The following ETV1 variants were observed in gnomAD, a reference collection of about 807,000 sequenced individuals.
ETV1 encodes the protein ETS variant transcription factor 1.
Under a neutral mutation model 62.3 loss-of-function variants are expected in ETV1, and 27 were observed. That is an observed-to-expected ratio of 0.43 (90% CI 0.32 to 0.60). ETV1 has a LOEUF of 0.60. ETV1 is among the 20% of genes least tolerant of loss of function. The pLI, the probability that ETV1 is intolerant of heterozygous loss-of-function variation, is 0.06. For synonymous variants in ETV1, 222 were observed against 199.6 expected, an observed-to-expected ratio of 1.11 and a Z score of -0.94; for missense variants, 605 against 605.8, an observed-to-expected ratio of 1.00 and a Z score of 0.01.
chr7:13,909,767 C>A, intron 10 of ETV1, 67 bp from the exon 11 acceptor site: 1 of 1,296,606 alleles, frequency 7.7e-7, no homozygotes, highest in Non-Finnish European at 1.1e-6. Flanking sequence ...TAAAATATAA[C>A]CATTTAACAT....
upstream of ETV1, among the ~76,000 whole-genome samples, chr7:13,990,183 A>G (rs1007263435): frequency 3.3e-5 from 5 of 151,996 alleles, no homozygotes; most frequent in African/African-American, 1.2e-4. Context: ...TTTTGGCCCA[A>G]TTTATTTTCC....
intron 12 of ETV1, among the ~76,000 whole-genome samples, chr7:13,904,491 T>A (rs1222430286): frequency 1.3e-5 from 2 of 152,190 alleles, no homozygotes; most frequent in African/African-American, 4.8e-5. Flanking sequence ...CTGAACATCA[T>A]AAAAGTCAAC....
chr7:13,977,639 A>G (rs1583876079), intron 5 of ETV1, among the ~76,000 whole-genome samples, 159 bp from the exon 6 acceptor site: 1 of 152,322 alleles, frequency 6.6e-6, no homozygotes, highest in African/African-American at 2.4e-5. Context: ...TGACAACACT[A>G]CTTAGGAGGA....
chr7:13,988,878 T>A, intron 3 of ETV1, 130 bp downstream of exon 3: 1 of 1,563,724 alleles, frequency 6.4e-7, no homozygotes, highest in Non-Finnish European at 8.7e-7. Flanking sequence ...AGAGTCGCCC[T>A]ACAGTGGCAA....
At chr7:13,900,226 G>C (rs1267472811) in intron 13 of ETV1, 6 of 152,230 alleles carry the variant, frequency 3.9e-5, no homozygotes, top group African/African-American at 1.4e-4. Context: ...AAGATCAAAT[G>C]TTCATTTTTA....
Position 13,895,358 on chromosome 7 carries a change from C to T in ETV1, c.*508G>A, listed in dbSNP as rs1781668827. The T allele has an allele frequency of 4.3e-6, 1 of 234,506 alleles. No homozygotes were observed. Among genetic ancestry groups the T allele is most frequent in the Non-Finnish European group, 8.4e-6 (1 of 118,660 alleles). 14.5% of individuals were successfully genotyped at this position (234,506 alleles called of 1,614,324 possible). On this transcript the variant is annotated 3_prime_UTR_variant, in exon 14 of 14. Transcript: ENST00000430479. ...GTGGTGCAAAAACAGTCATTTCTAA[C>T]AATTAAACTGCCATTTACAGTAGAT... is the stretch of plus-strand genomic sequence containing the variant.
At position 13,988,174 on chromosome 7, in the gene ETV1, C is replaced by G; in HGVS notation, c.46-1G>C. 1 of 1,602,678 alleles carries G rather than the reference C, an allele frequency of 6.2e-7. No homozygotes were observed. Among genetic ancestry groups the G allele is most frequent in the Non-Finnish European group, 8.5e-7 (1 of 1,169,798 alleles). The stretch of plus-strand genomic sequence containing the variant: ...CGTTACAATTTCTCCCACGCTGACT[C>G]TACAAAGGGAAAGATAAAATCCTTT... On this transcript the variant is annotated splice_acceptor_variant, in intron 3 of 13. Coordinates refer to ENST00000430479, the MANE Select transcript of ETV1 (RefSeq NM_004956.5). LOFTEE classifies it high-confidence loss of function.
In ETV1 at chr7:13,909,633, A is replaced by G. The variant is rs1783363223; in HGVS notation, c.939T>C (p.Asp313=). ...CTTGAGGCAAAGTGTAAAACCTACC[A>G]TCGAATTTTTCTGGGACAACACAGG... ...DDTCVVPEKF[D]GDIKQEPGMY... The change falls in exon 11 of 14, where the codon GAT becomes GAC. Residue 313 remains aspartate (D), a splice_region_variant and synonymous_variant. Coordinates refer to ENST00000430479, the MANE Select transcript of ETV1 (RefSeq NM_004956.5). The G allele has an allele frequency of 1.2e-6, 2 of 1,612,436 alleles. No individual in the cohort carries two copies. Among genetic ancestry groups the G allele is most frequent in the Non-Finnish European group, 1.7e-6 (2 of 1,178,586 alleles).
chr7:13,981,490 C>T (rs1781979730), intron 5 of ETV1, among the ~76,000 whole-genome samples: 1 of 150,198 alleles, frequency 6.7e-6, no homozygotes, highest in South Asian at 2.1e-4. Flanking sequence ...AAATAAATGA[C>T]GTTTACAAAG....
chr7:13,909,839 T>A, intron 10 of ETV1, 139 bp from the exon 11 acceptor site: 1 of 688,174 alleles, frequency 1.5e-6, no homozygotes, highest in Non-Finnish European at 2.5e-6. Flanking sequence ...CTGGACACAT[T>A]ATTTAACCTC....
rs1435184455 is a variant in ETV1 at position 13,970,272 on chromosome 7, ACACACACAC to A, written c.235+7146_235+7154del. The stretch of plus-strand genomic sequence containing the variant: ...CGAGACCCCATCTCAAAACACACAC[ACACACACAC>A]ACACACACACACACACACACACACA... On this transcript the variant is annotated intron_variant, in intron 6 of 13. Transcript: ENST00000430479. Among the ~76,000 whole-genome samples, 32 of 15,606 alleles carry A rather than the reference ACACACACAC, an allele frequency of 2.1e-3. 1 individual carries two copies. The highest frequency in any genetic ancestry group is 5.7e-3 in the African/African-American group (27 of 4,724). The allele number at this position is 15,606 out of a possible 152,430, so 10.2% of individuals were successfully genotyped here.
chr7:13,920,907 T>C (rs780944000), intron 9 of ETV1, among the ~76,000 whole-genome samples: 3 of 152,212 alleles, frequency 2.0e-5, no homozygotes, highest in Non-Finnish European at 4.4e-5. Context: ...CTATGACCTC[T>C]ATTGCAATAA....
intron 5 of ETV1, among the ~76,000 whole-genome samples, chr7:13,981,856 C>T (rs1410634858): frequency 2.6e-5 from 4 of 151,634 alleles, no homozygotes; most frequent in African/African-American, 9.7e-5. Flanking sequence ...AAGAAAAATC[C>T]ACCTTCCTAC....
rs371009663 is a variant in ETV1, at chr7:13,941,796, C to G, written c.236-2550G>C. ...GGGGCACGAGAATCACTTGAACCCGCGAAGCAGAGTTTGCCGAGATCGCGG... is the reference window on the plus strand; with the variant it reads ...GGGGCACGAGAATCACTTGAACCCGGGAAGCAGAGTTTGCCGAGATCGCGG... On this transcript the variant is annotated intron_variant, in intron 6 of 13. Coordinates refer to ENST00000430479, the MANE Select transcript of ETV1 (RefSeq NM_004956.5). Among the ~76,000 whole-genome samples, 7 of 151,002 alleles carry G rather than the reference C, an allele frequency of 4.6e-5. 1 individual carries two copies. Among genetic ancestry groups the G allele is most frequent in the African/African-American group, 1.2e-4 (5 of 41,218 alleles).
At chr7:13,925,944 C>G (rs1785378361) in intron 9 of ETV1, among the ~76,000 whole-genome samples, 1 of 151,994 alleles carries the variant, frequency 6.6e-6, no homozygotes, top group Admixed American at 6.6e-5. Context: ...TAATACTTCA[C>G]AGATACAAAA....
intron 6 of ETV1, chr7:13,959,093 T>C (rs1237346309): frequency 6.6e-6 from 1 of 151,958 alleles, no homozygotes; most frequent in African/African-American, 2.4e-5. Context: ...ACCACTCATT[T>C]AATTTGTAGT....
rs1781435988 is a variant in ETV1, at chr7:13,892,302, A to C, written c.*3564T>G. The C allele has an allele frequency of 4.3e-6, 1 of 232,642 alleles. No homozygotes were observed. The highest frequency in any genetic ancestry group is 5.6e-5 in the Admixed American group (1 of 17,756). The allele number at this position is 232,642 out of a possible 1,614,324, so 14.4% of individuals were successfully genotyped here. ...TTAGTGTTTTCCTGGGGGCTGGGGA[A>C]GGATTTGAATAATCTAAAGGCTTGA... is the stretch of plus-strand genomic sequence containing the variant. On this transcript the variant is annotated 3_prime_UTR_variant, in exon 14 of 14. Coordinates refer to ENST00000430479, the MANE Select transcript of ETV1 (RefSeq NM_004956.5).
In ETV1 at chr7:13,935,885, T is replaced by G; in HGVS notation, c.377A>C (p.Gln126Pro). 2 of 1,613,484 alleles carry G rather than the reference T, an allele frequency of 1.2e-6. No homozygotes were observed. Among genetic ancestry groups the G allele is most frequent in the Non-Finnish European group, 1.7e-6 (2 of 1,179,554 alleles). Residue 126 changes from glutamine (Q) to proline (P), a missense_variant, in exon 8 of 14, where the codon CAG becomes CCG. Physicochemically the swap from Gln to Pro is moderately conservative, Grantham distance 76. Around this residue, in one of 3 missense-constraint regions of ETV1, gnomAD observed 426 missense variants for 377.8 expected, o/e 1.13. Coordinates refer to ENST00000430479, the MANE Select transcript of ETV1 (RefSeq NM_004956.5). ...KCLYNVSAYD[Q>P]KPQVGMRPSN... ...GGGCCTCATTCCCACTTGTGGCTTC[T>G]GATCATAGGCACTACCCAGGGGACA...
intron 9 of ETV1, among the ~76,000 whole-genome samples, chr7:13,919,872 C>T (rs1032005562): frequency 6.6e-6 from 1 of 151,164 alleles, no homozygotes; most frequent in Non-Finnish European, 1.5e-5. Context: ...CAGACAAAAA[C>T]ACACAAAGAC....
Sources: allele counts gnomAD v4.1 joint callset (sites outside exome capture counted in the v4.1 genomes callset), GRCh38; gene constraint gnomAD v4.1.1; regional missense constraint gnomAD v4.1.1; transcripts MANE v1.5; gene names NCBI Gene and HGNC (gene_info 2026-07-23, HGNC 2026-07-21).